Variants in NXPH2 observed in about 807,000 individuals in gnomAD.
The protein encoded by NXPH2 is neurexophilin-2.
In NXPH2, 5 loss-of-function variants were observed where a neutral mutation model predicts 19.8. The ratio of observed to expected loss-of-function variants is 0.25; its 90% CI spans 0.13 to 0.53. NXPH2 has a LOEUF of 0.53. Among genes scored for constraint, NXPH2 ranks in the 20% least tolerant of loss-of-function variants. NXPH2 has a pLI of 0.96. For missense variants in NXPH2, 289 were observed against 322.8 expected (o/e 0.90, Z 0.80); for synonymous variants, 154 against 127.4 (o/e 1.21, Z -1.41).
At chr2:138,717,431 TC>T (rs1256236076) in intron 1 of NXPH2, among the ~76,000 whole-genome samples, 1 of 151,264 alleles carries the variant, frequency 6.6e-6, no homozygotes, top group Non-Finnish European at 1.5e-5. Context: ...AAATCCATGA[TC>T]AAAGTGCCAG....
chr2:138,730,321 A>C (rs1413791002), intron 1 of NXPH2, among the ~76,000 whole-genome samples: 1 of 151,962 alleles, frequency 6.6e-6, no homozygotes, highest in Non-Finnish European at 1.5e-5. Flanking sequence ...CAGCCTCCCC[A>C]GTAATTGGGA....
At chr2:138,716,322 G>C (rs559324791) in intron 1 of NXPH2, among the ~76,000 whole-genome samples, 1 of 152,310 alleles carries the variant, frequency 6.6e-6, no homozygotes, top group South Asian at 2.1e-4. Context: ...ACTAGGTTTA[G>C]ATGGGAGCAT....
At chr2:138,675,246 G>T (rs1680469338) in intron 1 of NXPH2, among the ~76,000 whole-genome samples, 1 of 152,044 alleles carries the variant, frequency 6.6e-6, no homozygotes, top group African/African-American at 2.4e-5. Context: ...TAAAGTGCTT[G>T]TTTAATGTTA....
intron 1 of NXPH2, among the ~76,000 whole-genome samples, chr2:138,755,439 T>C (rs1342694620): frequency 2.0e-5 from 3 of 152,188 alleles, no homozygotes; most frequent in Non-Finnish European, 2.9e-5. Context: ...ACTTTCTCCA[T>C]TGAATTGCCT....
At chr2:138,776,471 T>C (rs1682264083) in intron 1 of NXPH2, among the ~76,000 whole-genome samples, 1 of 152,098 alleles carries the variant, frequency 6.6e-6, no homozygotes, top group East Asian at 1.9e-4. Context: ...ATACAACTTG[T>C]ACTGGGAGGT....
rs182791315 is a variant in NXPH2 at position 138,735,000 on chromosome 2, G to T, written c.51+45191C>A. On this transcript the variant is annotated intron_variant, in intron 1 of 1. Coordinates refer to ENST00000272641, the MANE Select transcript of NXPH2 (RefSeq NM_007226.3). ...GTAGTAATTAAAATGTTAATCTGGG[G>T]TGTGACCAAACAGGAAGAAGGTGAA... 2.8e-3 allele frequency among the ~76,000 whole-genome samples: 421 copies of T among 152,304 alleles called. 3 individuals are homozygous for T. Among genetic ancestry groups the T allele is most frequent in the Non-Finnish European group, 2.8e-3 (189 of 68,034 alleles).
chr2:138,700,930 C>T (rs1407509342), intron 1 of NXPH2, among the ~76,000 whole-genome samples: 1 of 151,948 alleles, frequency 6.6e-6, no homozygotes, highest in Non-Finnish European at 1.5e-5. Context: ...TTGAGCAAGA[C>T]GTGGTGCTGG....
intron 1 of NXPH2, among the ~76,000 whole-genome samples, chr2:138,726,551 CA>C (rs1223929493): frequency 4.9e-4 from 75 of 151,876 alleles, no homozygotes; most frequent in Admixed American, 1.6e-3. Context: ...CACACACACA[CA>C]CACACACCCT....
At chr2:138,722,030 T>A (rs114284555) in intron 1 of NXPH2, among the ~76,000 whole-genome samples, 2,291 of 152,374 alleles carry the variant, frequency 0.015, 23 homozygotes, top group Non-Finnish European at 0.021. Context: ...GAATGCTAGC[T>A]GCTCCACTTA....
At chr2:138,773,365 A>G (rs1476507891) in intron 1 of NXPH2, among the ~76,000 whole-genome samples, 3 of 152,194 alleles carry the variant, frequency 2.0e-5, no homozygotes, top group Non-Finnish European at 4.4e-5. Flanking sequence ...ATCCAAGTGC[A>G]AAACTTCATT....
In NXPH2 at chr2:138,686,205, A is replaced by C. The variant is rs529625326; in HGVS notation, c.52-14540T>G. Among the ~76,000 whole-genome samples, 241 of 152,314 alleles carry C rather than the reference A, an allele frequency of 1.6e-3. 2 individuals are homozygous for C. The highest frequency in any genetic ancestry group is 5.6e-3 in the African/African-American group (231 of 41,580). On this transcript the variant is annotated intron_variant, in intron 1 of 1. Transcript: ENST00000272641. ...TGGCATCTGGAATTATTTGTTAAGG[A>C]GATAAAAATCAAAGCCTTTTCTACT... is the stretch of plus-strand genomic sequence containing the variant.
Position 138,669,629 on chromosome 2 carries a change from G to T in NXPH2, c.*1293C>A, listed in dbSNP as rs1473971894. ...AGGGAGAAAGAAGTTAACATCTATT[G>T]TAAAAGGAGTGACCATTCCATGAGC... is the stretch of plus-strand genomic sequence containing the variant. On this transcript the variant is annotated 3_prime_UTR_variant, in exon 2 of 2. Coordinates refer to ENST00000272641, the MANE Select transcript of NXPH2 (RefSeq NM_007226.3). Among the ~76,000 whole-genome samples, 1 of 152,114 alleles carries T rather than the reference G, an allele frequency of 6.6e-6. No homozygotes were observed. The highest frequency in any genetic ancestry group is 1.5e-5 in the Non-Finnish European group (1 of 68,004).
intron 1 of NXPH2, among the ~76,000 whole-genome samples, chr2:138,740,006 A>G (rs1268942910): frequency 1.3e-5 from 2 of 152,124 alleles, no homozygotes; most frequent in Admixed American, 6.6e-5. Flanking sequence ...TCATCCCTCT[A>G]TCTCTGCTCT....
chr2:138,690,197 C>T (rs1262272004), intron 1 of NXPH2, among the ~76,000 whole-genome samples: 1 of 152,194 alleles, frequency 6.6e-6, no homozygotes, highest in Non-Finnish European at 1.5e-5. Flanking sequence ...GCCTCAAGTT[C>T]TTCTTGATAC....
chr2:138,680,969 C>A (rs960883047), intron 1 of NXPH2, among the ~76,000 whole-genome samples: 3 of 152,288 alleles, frequency 2.0e-5, no homozygotes, highest in South Asian at 2.1e-4. Flanking sequence ...GATGTTCAGT[C>A]TTTGCTGAAT....
chr2:138,710,769 C>A (rs1244619735), intron 1 of NXPH2, among the ~76,000 whole-genome samples: 1 of 152,224 alleles, frequency 6.6e-6, no homozygotes, highest in Non-Finnish European at 1.5e-5. Flanking sequence ...ACTCTCCTAA[C>A]ATAACCTTGA....
chr2:138,770,919 A>G (rs990951648), intron 1 of NXPH2, among the ~76,000 whole-genome samples: 1 of 152,158 alleles, frequency 6.6e-6, no homozygotes, highest in African/African-American at 2.4e-5. Context: ...CTGATAAGTA[A>G]TACAGTATAC....
intron 1 of NXPH2, among the ~76,000 whole-genome samples, chr2:138,772,881 G>C (rs947513488): frequency 2.6e-5 from 4 of 152,170 alleles, no homozygotes; most frequent in African/African-American, 7.2e-5. Context: ...CCTGTGGTGT[G>C]CTTTTGTTGC....
At chr2:138,706,930 A>T (rs745584295) in intron 1 of NXPH2, among the ~76,000 whole-genome samples, 1 of 151,020 alleles carries the variant, frequency 6.6e-6, no homozygotes, top group Non-Finnish European at 1.5e-5. Context: ...AAGAAAAAAA[A>T]GTTAAGGTGA....
Sources: gnomAD v4.1 joint callset for allele counts (sites outside exome capture counted in the v4.1 genomes callset) on GRCh38, gnomAD v4.1.1 for gene constraint, MANE v1.5 for transcripts, NCBI Gene and HGNC (gene_info 2026-07-23, HGNC 2026-07-21) for gene names.